UNC5B: variants seen among roughly 807,000 people sequenced by gnomAD.
UNC5B encodes the protein netrin receptor UNC5B.
A neutral mutation model predicts 103.7 loss-of-function variants in UNC5B; 56 were observed. The observed-to-expected ratio is 0.54, with a 90% CI of 0.44 to 0.67. The LOEUF is 0.67. Among genes scored for constraint, UNC5B ranks in the 30% least tolerant of loss-of-function variants. The pLI is 0.00. For missense variants in UNC5B, 1,194 were observed against 1,284.5 expected, an observed-to-expected ratio of 0.93 and a Z score of 1.08; for synonymous variants, 577 against 542.0, an observed-to-expected ratio of 1.06 and a Z score of -0.90.
At chr10:71,259,489 GT>G (rs1369658749) in intron 1 of UNC5B, among the ~76,000 whole-genome samples, 1 of 152,114 alleles carries the variant, frequency 6.6e-6, no homozygotes, top group Admixed American at 6.5e-5. Context: ...AAGAGAATGT[GT>G]TCTGTTCACC....
chr10:71,214,289 AT>A (rs954858655), intron 1 of UNC5B, among the ~76,000 whole-genome samples: 10 of 151,272 alleles, frequency 6.6e-5, no homozygotes, highest in African/African-American at 2.4e-4. Context: ...TCATTCTGGA[AT>A]TAGTGATTCC....
chr10:71,256,271 A>G (rs1044337118), intron 1 of UNC5B, among the ~76,000 whole-genome samples: 1 of 151,488 alleles, frequency 6.6e-6, no homozygotes, highest in Non-Finnish European at 1.5e-5. Context: ...TCACACAGCC[A>G]CTCCCAGCCC....
chr10:71,246,080 A>G (rs1417004061), intron 1 of UNC5B, among the ~76,000 whole-genome samples: 1 of 152,016 alleles, frequency 6.6e-6, no homozygotes, highest in Admixed American at 6.6e-5. Context: ...GTCCTCAGGC[A>G]GCTGGTGGCT....
At chr10:71,287,459 C>A in intron 5 of UNC5B, 139 bp from the exon 6 acceptor site, 2 of 1,063,046 alleles carry the variant, frequency 1.9e-6, no homozygotes, top group Non-Finnish European at 1.3e-6. Context: ...AGTTCTGAGT[C>A]CCTACACTGT....
intron 2 of UNC5B, 109 bp from the exon 3 acceptor site, chr10:71,284,611 C>T: frequency 6.7e-7 from 1 of 1,499,240 alleles, no homozygotes. Context: ...GAGGGAAAGG[C>T]ACTTGGGCAA....
intron 1 of UNC5B, among the ~76,000 whole-genome samples, chr10:71,273,772 T>A (rs980729330): frequency 6.6e-6 from 1 of 152,170 alleles, no homozygotes; most frequent in Admixed American, 6.5e-5. Context: ...TTCCCTGCCC[T>A]CCAGGAGCAG....
At chr10:71,240,667 C>T (rs1279837085) in intron 1 of UNC5B, among the ~76,000 whole-genome samples, 1 of 152,260 alleles carries the variant, frequency 6.6e-6, no homozygotes, top group Admixed American at 6.5e-5. Context: ...GCCGCCTGCT[C>T]CTCCTCCCCC....
chr10:71,259,451 A>G (rs1293706397), intron 1 of UNC5B, among the ~76,000 whole-genome samples: 1 of 152,066 alleles, frequency 6.6e-6, no homozygotes, highest in Non-Finnish European at 1.5e-5. Flanking sequence ...GCAGCCCTTC[A>G]TAGTTTATGA....
At chr10:71,254,474 C>T (rs563937581) in intron 1 of UNC5B, among the ~76,000 whole-genome samples, 2 of 152,376 alleles carry the variant, frequency 1.3e-5, no homozygotes, top group South Asian at 2.1e-4. Flanking sequence ...GTCCACACGA[C>T]AGTGTGGGCC....
chr10:71,264,811 G>T (rs530768272), intron 1 of UNC5B, among the ~76,000 whole-genome samples: 1 of 152,124 alleles, frequency 6.6e-6, no homozygotes, highest in African/African-American at 2.4e-5. Context: ...GCAGGCCATG[G>T]TTTGAGTACC....
chr10:71,292,339 A>T, intron 10 of UNC5B, 128 bp from the exon 11 acceptor site: 1 of 762,766 alleles, frequency 1.3e-6, no homozygotes, highest in Middle Eastern at 3.0e-4. Context: ...CCTGTCTCCC[A>T]CCCCTGGCTG....
chr10:71,260,034 A>G lies in UNC5B; in HGVS notation c.80-19787A>G, dbSNP rs562841026. 2.6e-4 allele frequency among the ~76,000 whole-genome samples: 39 copies of G among 152,300 alleles called. No homozygotes were observed. In the East Asian group the frequency reaches 7.4e-3, roughly 29 times the overall value. ...AAGCCAACTGCCAGGCAGGAGCTTC[A>G]TCATGGTAGCTCCTGGTGGAGAGAG... On this transcript the variant is annotated intron_variant, in intron 1 of 16. Coordinates refer to ENST00000335350, the MANE Select transcript of UNC5B (RefSeq NM_170744.5).
At chr10:71,281,893 T>C (rs886980948) in intron 2 of UNC5B, among the ~76,000 whole-genome samples, 1 of 152,200 alleles carries the variant, frequency 6.6e-6, no homozygotes, top group Non-Finnish European at 1.5e-5. Flanking sequence ...GGGCTTTCCT[T>C]GGCCTCTTTC....
intron 6 of UNC5B, among the ~76,000 whole-genome samples, 168 bp downstream of exon 6, chr10:71,287,933 C>T (rs2277259): frequency 0.77 from 116,493 of 152,146 alleles, 45,299 homozygotes; most frequent in Admixed American, 0.84. Flanking sequence ...ATCTCTGACC[C>T]CTTATTCTGC....
Position 71,293,316 on chromosome 10 carries a change from G to A in UNC5B, c.1773-89G>A, listed in dbSNP as rs549656825. 27 of 1,450,580 alleles carry A rather than the reference G, an allele frequency of 1.9e-5. No homozygotes were observed. In the South Asian group the frequency reaches 2.2e-4, roughly 12 times the overall value. The allele number at this position is 1,450,580 out of a possible 1,614,324, so 89.9% of individuals were successfully genotyped here. On this transcript the variant is annotated intron_variant, in intron 11 of 16. Coordinates refer to ENST00000335350, the MANE Select transcript of UNC5B (RefSeq NM_170744.5). ...GGCAAAGAGCTGCCCTCCACCTCCC[G>A]GGCCCTGGGCAGACTTGGGAGCCCA...
rs771820696 is a variant in UNC5B, at chr10:71,291,711, G to A, written c.1574G>A (p.Arg525His). Residue 525 changes from arginine to histidine, a missense_variant, in exon 10 of 17, where the codon CGC becomes CAC. Arg to His is a conservative substitution (Grantham distance 29). Transcript: ENST00000335350. The part of the protein sequence containing the change: ...FARDTHFLHL[R>H]SASLGSQQLL... ...CGGGACACCCACTTCCTGCACCTGC[G>A]CAGCGCCAGCCTCGGTTCCCAGCAG... The A allele has an allele frequency of 5.6e-6, 9 of 1,612,498 alleles. No individual in the cohort carries two copies. Among genetic ancestry groups the A allele is most frequent in the South Asian group, 2.2e-5 (2 of 91,088 alleles).
At chr10:71,229,450 C>T (rs1174180984) in intron 1 of UNC5B, among the ~76,000 whole-genome samples, 1 of 152,222 alleles carries the variant, frequency 6.6e-6, no homozygotes, top group Non-Finnish European at 1.5e-5. Flanking sequence ...ACAGTGTCCT[C>T]CTCCGCCCCT....
chr10:71,279,128 G>A (rs1258464799), intron 1 of UNC5B, among the ~76,000 whole-genome samples: 2 of 152,340 alleles, frequency 1.3e-5, no homozygotes, highest in African/African-American at 4.8e-5. Flanking sequence ...GGATCTGGCT[G>A]GGGTGGGGGT....
At chr10:71,232,433 CGTGGAA>C (rs753728399) in intron 1 of UNC5B, among the ~76,000 whole-genome samples, 3 of 152,262 alleles carry the variant, frequency 2.0e-5, no homozygotes, top group Non-Finnish European at 2.9e-5. Context: ...GGGAGGAACT[CGTGGAA>C]CCTGAGCTGG....
Sources: allele counts gnomAD v4.1 joint callset (sites outside exome capture counted in the v4.1 genomes callset), GRCh38; gene constraint gnomAD v4.1.1; transcripts MANE v1.5; gene names NCBI Gene and HGNC (gene_info 2026-07-23, HGNC 2026-07-21).